The following ZFYVE9 variants were observed in gnomAD, a reference collection of about 807,000 sequenced individuals.
The protein encoded by ZFYVE9 is zinc finger FYVE-type containing 9.
Under a neutral mutation model 126.7 loss-of-function variants are expected in ZFYVE9, and 43 were observed. That is an observed-to-expected ratio of 0.34 (90% CI 0.27 to 0.44). The LOEUF is 0.44. Among genes scored for constraint, ZFYVE9 ranks in the 20% least tolerant of loss-of-function variants. The pLI is 1.00. For missense variants in ZFYVE9, 1,476 were observed against 1,697.0 expected (o/e 0.87, Z 2.29); for synonymous variants, 521 against 597.4 (o/e 0.87, Z 1.87).
At chr1:52,146,329 A>T (rs1387615241) in intron 1 of ZFYVE9, among the ~76,000 whole-genome samples, 4 of 152,206 alleles carry the variant, frequency 2.6e-5, no homozygotes, top group African/African-American at 9.6e-5. Flanking sequence ...ATTGGAAAAG[A>T]TGTAGTTGCA....
chr1:52,157,394 C>CTTTTTTTTTTTTTTTTTT (rs71579908), intron 1 of ZFYVE9, among the ~76,000 whole-genome samples: 1 of 58,444 alleles, frequency 1.7e-5, no homozygotes, highest in Non-Finnish European at 2.8e-5. Flanking sequence ...ACCATATTCT[C>CTTTTTTTTTTTTTTTTTT]TTTTTTTTTT....
intron 4 of ZFYVE9, among the ~76,000 whole-genome samples, chr1:52,243,153 A>G (rs1314234112): frequency 3.9e-5 from 6 of 152,246 alleles, no homozygotes; most frequent in Non-Finnish European, 7.3e-5. Context: ...TTCAACAAAC[A>G]CTGAGTGCCT....
intron 4 of ZFYVE9, among the ~76,000 whole-genome samples, chr1:52,241,508 A>G (rs963927086): frequency 6.6e-6 from 1 of 152,216 alleles, no homozygotes; most frequent in Non-Finnish European, 1.5e-5. Flanking sequence ...TAATGAAAAC[A>G]TTTTTGGTAT....
chr1:52,179,167 C>T (rs1250213674), intron 1 of ZFYVE9, among the ~76,000 whole-genome samples: 1 of 152,072 alleles, frequency 6.6e-6, no homozygotes, highest in Non-Finnish European at 1.5e-5. Context: ...TCTTAGATGT[C>T]TGGGTTTGGA....
chr1:52,176,973 G>A (rs543172585), intron 1 of ZFYVE9, among the ~76,000 whole-genome samples: 14 of 152,234 alleles, frequency 9.2e-5, no homozygotes, highest in African/African-American at 9.6e-5. Context: ...GCCCTGCTTC[G>A]GCTCGTGCAC....
At chr1:52,248,115 C>T (rs942126798) in intron 4 of ZFYVE9, among the ~76,000 whole-genome samples, 7 of 152,108 alleles carry the variant, frequency 4.6e-5, no homozygotes, top group African/African-American at 1.7e-4. Context: ...CCACAATAAT[C>T]TATTGGCAAC....
chr1:52,201,842 G>A (rs1644926207), intron 1 of ZFYVE9, among the ~76,000 whole-genome samples: 1 of 151,818 alleles, frequency 6.6e-6, no homozygotes, highest in South Asian at 2.1e-4. Context: ...GGAGTGCAGT[G>A]GCACGATCTT....
intron 1 of ZFYVE9, among the ~76,000 whole-genome samples, chr1:52,153,715 T>C (rs1323251979): frequency 2.6e-5 from 4 of 152,238 alleles, no homozygotes; most frequent in African/African-American, 9.6e-5. Context: ...CTGTAAATTG[T>C]AGTTCACTGT....
intron 13 of ZFYVE9, among the ~76,000 whole-genome samples, chr1:52,311,249 G>C (rs1646134273): frequency 1.4e-5 from 2 of 144,444 alleles, no homozygotes; most frequent in Admixed American, 1.5e-4. Context: ...GAATCAAATA[G>C]ACCTTGGATT....
intron 4 of ZFYVE9, among the ~76,000 whole-genome samples, chr1:52,246,985 G>A (rs1645392250): frequency 6.6e-6 from 1 of 152,046 alleles, no homozygotes; most frequent in South Asian, 2.1e-4. Flanking sequence ...TGGGATTACA[G>A]GCGTGAGCCG....
intron 1 of ZFYVE9, among the ~76,000 whole-genome samples, chr1:52,168,529 TTTA>T (rs1308291408): frequency 2.6e-5 from 4 of 151,110 alleles, no homozygotes; most frequent in Non-Finnish European, 1.5e-5. Flanking sequence ...TTTTTTTTTT[TTTA>T]AAAGCAACAG....
intron 4 of ZFYVE9, 41 bp from the exon 5 acceptor site, chr1:52,263,732 C>A: frequency 8.6e-7 from 1 of 1,164,610 alleles, no homozygotes; most frequent in Non-Finnish European, 1.2e-6. Flanking sequence ...ATGGCAATCC[C>A]AAGTAAATTT....
chr1:52,226,085 A>G (rs1557467067), intron 2 of ZFYVE9, among the ~76,000 whole-genome samples: 2 of 152,136 alleles, frequency 1.3e-5, no homozygotes, highest in Non-Finnish European at 2.9e-5. Context: ...TCAGGTATGA[A>G]GTTTACATAG....
At chr1:52,261,732 G>A (rs1645581943) in intron 4 of ZFYVE9, among the ~76,000 whole-genome samples, 2 of 152,158 alleles carry the variant, frequency 1.3e-5, no homozygotes, top group African/African-American at 4.8e-5. Context: ...CATCATGATC[G>A]TTTAGTCCTC....
At chr1:52,339,224 T>TATGAC (rs1646413911) in intron 16 of ZFYVE9, among the ~76,000 whole-genome samples, 1 of 152,168 alleles carries the variant, frequency 6.6e-6, no homozygotes, top group Non-Finnish European at 1.5e-5. Context: ...GGGAAGGTGT[T>TATGAC]ATGACAGATA....
chr1:52,250,781 C>T (rs539644831), intron 4 of ZFYVE9, among the ~76,000 whole-genome samples: 62 of 151,692 alleles, frequency 4.1e-4, no homozygotes, highest in African/African-American at 1.4e-3. Context: ...ATGATCTCAG[C>T]TCACCGCATC....
In ZFYVE9 at chr1:52,295,805, T is replaced by TA. The variant is rs1569696905; in HGVS notation, c.3251-89dup. ...ATATGTTCTAATGAGCCATTATAAT[T>TA]ATATTTTGAAAATTGTATTAGTCAT... On this transcript the variant is annotated intron_variant, in intron 11 of 18. Transcript: ENST00000287727. 4 of 1,074,852 alleles carry TA rather than the reference T, an allele frequency of 3.7e-6. No homozygotes were observed. The East Asian group carries it at 1.0e-4, about 27-fold the overall frequency. 66.6% of individuals were successfully genotyped at this position (1,074,852 alleles called of 1,614,324 possible). A position where few individuals can be genotyped will look rare whatever the true frequency, so the allele number is the denominator to read the frequency against.
intron 1 of ZFYVE9, among the ~76,000 whole-genome samples, chr1:52,179,542 G>A (rs1177397139): frequency 5.3e-5 from 8 of 152,168 alleles, no homozygotes; most frequent in Admixed American, 4.6e-4. Context: ...GCTGAGGCAG[G>A]AGAATCTTTT....
chr1:52,276,422 A>G (rs1416337813), intron 8 of ZFYVE9, among the ~76,000 whole-genome samples: 1 of 152,158 alleles, frequency 6.6e-6, no homozygotes, highest in African/African-American at 2.4e-5. Flanking sequence ...TAATGCCAGT[A>G]CCGTTCCATT....
Sources: gnomAD v4.1 joint callset for allele counts (sites outside exome capture counted in the v4.1 genomes callset) on GRCh38, gnomAD v4.1.1 for gene constraint, MANE v1.5 for transcripts, NCBI Gene and HGNC (gene_info 2026-07-23, HGNC 2026-07-21) for gene names.